HCN1: variants seen among roughly 807,000 people sequenced by gnomAD.
HCN1 encodes the protein potassium/sodium hyperpolarization-activated cyclic nucleotide-gated channel 1.
A neutral mutation model predicts 78.9 loss-of-function variants in HCN1; 13 were observed. The observed-to-expected ratio is 0.16, with a 90% CI of 0.11 to 0.26. The LOEUF (loss-of-function observed/expected upper bound fraction) is 0.26. HCN1 is among the 10% of genes least tolerant of loss of function. HCN1 has a pLI of 1.00. For missense variants in HCN1, 810 were observed against 1,154.3 expected (o/e 0.70, Z 4.32); for synonymous variants, 552 against 455.5 (o/e 1.21, Z -2.70).
rs372052285 is a variant in HCN1, at chr5:45,348,937, C to A, written c.1377+4163G>T. Among the ~76,000 whole-genome samples the A allele has an allele frequency of 1.3e-4, 20 of 152,284 alleles. No homozygotes were observed. In the East Asian group the frequency reaches 3.5e-3, roughly 26 times the overall value. On this transcript the variant is annotated intron_variant, in intron 5 of 7. Coordinates refer to ENST00000303230, the MANE Select transcript of HCN1 (RefSeq NM_021072.4). The stretch of plus-strand genomic sequence containing the variant: ...ACAATAATAAAGGGAAACTTTAACA[C>A]CCCACTGTCAACATTAGACAGATTA...
chr5:45,337,916 T>C (rs1378567663), intron 5 of HCN1, among the ~76,000 whole-genome samples: 1 of 152,132 alleles, frequency 6.6e-6, no homozygotes. Context: ...AATCACCTAA[T>C]TTTTGCCACA....
intron 1 of HCN1, among the ~76,000 whole-genome samples, chr5:45,693,637 C>T (rs1026176302): frequency 1.3e-5 from 2 of 152,108 alleles, no homozygotes; most frequent in African/African-American, 2.4e-5. Flanking sequence ...AGAAGATTTC[C>T]TTGGGAAAAT....
At chr5:45,330,012 G>A (rs1579815635) in intron 5 of HCN1, among the ~76,000 whole-genome samples, 1 of 151,190 alleles carries the variant, frequency 6.6e-6, no homozygotes, top group Non-Finnish European at 1.5e-5. Context: ...ATTTTACTTT[G>A]GAAAAATTTT....
intron 2 of HCN1, among the ~76,000 whole-genome samples, chr5:45,632,015 G>C (rs1177622555): frequency 1.3e-5 from 2 of 152,028 alleles, no homozygotes; most frequent in African/African-American, 4.8e-5. Context: ...TGCCAATTTG[G>C]AAATGTTCTA....
chr5:45,341,979 T>C (rs1002989571), intron 5 of HCN1, among the ~76,000 whole-genome samples: 2 of 152,194 alleles, frequency 1.3e-5, no homozygotes, highest in Admixed American at 6.5e-5. Context: ...TTTTGTTTCC[T>C]AATATTAAAA....
intron 6 of HCN1, among the ~76,000 whole-genome samples, chr5:45,275,559 A>G (rs1745039896): frequency 6.6e-6 from 1 of 151,998 alleles, no homozygotes; most frequent in Admixed American, 6.6e-5. Flanking sequence ...TGTGTCTTTC[A>G]TTTCCATTGT....
chr5:45,260,864 TTCTC>T lies in HCN1; in HGVS notation c.*1053_*1056del, dbSNP rs1744724547. 1 of 152,590 alleles carries T rather than the reference TTCTC, an allele frequency of 6.6e-6. No individual in the cohort carries two copies. Among genetic ancestry groups the T allele is most frequent in the Non-Finnish European group, 1.5e-5 (1 of 68,014 alleles). The allele number at this position is 152,590 out of a possible 1,614,324, so 9.5% of individuals were successfully genotyped here. A position where few individuals can be genotyped will look rare whatever the true frequency, so the allele number is the denominator to read the frequency against. On this transcript the variant is annotated 3_prime_UTR_variant, in exon 8 of 8. Transcript: ENST00000303230. ...TAGAAACGAGAAATACTGTAAGCCT[TTCTC>T]TACAATGACTGATTTGAACCTATTT...
chr5:45,632,028 T>C (rs1299358342), intron 2 of HCN1, among the ~76,000 whole-genome samples: 2 of 152,140 alleles, frequency 1.3e-5, no homozygotes, highest in African/African-American at 4.8e-5. Context: ...ATGTTCTATC[T>C]TGAATTTAGT....
chr5:45,658,999 C>A (rs1318465863), intron 1 of HCN1, among the ~76,000 whole-genome samples: 6 of 150,332 alleles, frequency 4.0e-5, no homozygotes, highest in Non-Finnish European at 7.4e-5. Flanking sequence ...CCTCTGGGGG[C>A]AGGGCACAGA....
intron 3 of HCN1, among the ~76,000 whole-genome samples, chr5:45,400,226 T>C (rs968262767): frequency 2.6e-5 from 4 of 152,070 alleles, no homozygotes; most frequent in African/African-American, 9.7e-5. Context: ...ATTGTTTATT[T>C]CTTTTTGTAT....
chr5:45,370,730 A>G (rs1024554839), intron 4 of HCN1, among the ~76,000 whole-genome samples: 5 of 152,080 alleles, frequency 3.3e-5, no homozygotes, highest in African/African-American at 7.2e-5. Context: ...GTCATGCGCC[A>G]GCAATAACTA....
At chr5:45,388,049 A>G (rs1747963667) in intron 4 of HCN1, among the ~76,000 whole-genome samples, 1 of 152,158 alleles carries the variant, frequency 6.6e-6, no homozygotes, top group Non-Finnish European at 1.5e-5. Context: ...TGGTGACTCA[A>G]AGTCTCAGTG....
At chr5:45,312,475 T>C (rs1291967113) in intron 5 of HCN1, among the ~76,000 whole-genome samples, 5 of 152,266 alleles carry the variant, frequency 3.3e-5, no homozygotes, top group Middle Eastern at 3.4e-3. Flanking sequence ...CATTTCCAAC[T>C]GAGGTACCGG....
At chr5:45,646,284 A>G (rs529569952) in intron 1 of HCN1, among the ~76,000 whole-genome samples, 127 of 151,958 alleles carry the variant, frequency 8.4e-4, no homozygotes, top group Non-Finnish European at 1.5e-3. Flanking sequence ...TCTACCTAAA[A>G]TTTGTGTTTT....
intron 4 of HCN1, among the ~76,000 whole-genome samples, chr5:45,393,212 G>A (rs1022285056): frequency 4.6e-5 from 7 of 152,174 alleles, no homozygotes; most frequent in African/African-American, 1.7e-4. Context: ...ATACCAAGGT[G>A]AGTTGCAAAT....
chr5:45,319,462 A>G lies in HCN1; in HGVS notation c.1378-15623T>C, dbSNP rs1746076160. The stretch of plus-strand genomic sequence containing the variant: ...TTTTAATATGCATTTTCCCATGAGT[A>G]TCCTCATTATGCACATTTTCCTAAG... On this transcript the variant is annotated intron_variant, in intron 5 of 7. Coordinates refer to ENST00000303230, the MANE Select transcript of HCN1 (RefSeq NM_021072.4). 4.0e-5 allele frequency among the ~76,000 whole-genome samples: 6 copies of G among 151,766 alleles called. No homozygotes were observed. The Admixed American group carries it at 4.0e-4, about 10-fold the overall frequency.
chr5:45,333,388 A>C (rs1746386529), intron 5 of HCN1, among the ~76,000 whole-genome samples: 1 of 151,720 alleles, frequency 6.6e-6, no homozygotes, highest in Admixed American at 6.6e-5. Context: ...TCTGGTTATT[A>C]ATCCCTTATT....
rs189922567 is a variant in HCN1, at chr5:45,471,460, T to A, written c.850-9453A>T. ...GTGATTTTATCTCCTTGTGTCAGTCTGTATTCTTCCTCCCCTTGTCTTTCA... is the reference window on the plus strand; with the variant it reads ...GTGATTTTATCTCCTTGTGTCAGTCAGTATTCTTCCTCCCCTTGTCTTTCA... On this transcript the variant is annotated intron_variant, in intron 2 of 7. Transcript: ENST00000303230. 1.6e-3 allele frequency among the ~76,000 whole-genome samples: 239 copies of A among 152,050 alleles called. 2 individuals are homozygous for A. Among genetic ancestry groups the A allele is most frequent in the Non-Finnish European group, 3.1e-4 (21 of 67,890 alleles).
intron 1 of HCN1, among the ~76,000 whole-genome samples, chr5:45,657,921 C>G (rs1489813925): frequency 6.6e-6 from 1 of 152,166 alleles, no homozygotes; most frequent in Non-Finnish European, 1.5e-5. Context: ...AAAAAAGAGC[C>G]TGCATCGCCA....
Sources: gnomAD v4.1 joint callset for allele counts (sites outside exome capture counted in the v4.1 genomes callset) on GRCh38, gnomAD v4.1.1 for gene constraint, MANE v1.5 for transcripts, NCBI Gene and HGNC (gene_info 2026-07-23, HGNC 2026-07-21) for gene names.